The following ZBTB40 variants were observed in gnomAD, a reference collection of about 807,000 sequenced individuals.
ZBTB40 encodes zinc finger and BTB domain-containing protein 40.
A neutral mutation model predicts 117.5 loss-of-function variants in ZBTB40; 60 were observed. The ratio of observed to expected loss-of-function variants is 0.51; its 90% CI spans 0.41 to 0.63. ZBTB40 has a LOEUF of 0.63. Among genes scored for constraint, ZBTB40 ranks in the 30% least tolerant of loss-of-function variants. The pLI is 0.00. For missense variants in ZBTB40, 1,287 were observed against 1,498.5 expected, an observed-to-expected ratio of 0.86 and a Z score of 2.33; for synonymous variants, 525 against 577.1, an observed-to-expected ratio of 0.91 and a Z score of 1.29.
At chr1:22,476,162 T>C (rs537793310) in intron 1 of ZBTB40, among the ~76,000 whole-genome samples, 1 of 152,342 alleles carries the variant, frequency 6.6e-6, no homozygotes, top group African/African-American at 2.4e-5. Context: ...CAAACTTAGT[T>C]CTCACTTGTA....
At chr1:22,515,349 T>C (rs563256260) in intron 12 of ZBTB40, among the ~76,000 whole-genome samples, 1 of 152,330 alleles carries the variant, frequency 6.6e-6, no homozygotes, top group Admixed American at 6.5e-5. Context: ...TTGGTTTTTA[T>C]GTGAAGTGTG....
rs114688501 is a variant in ZBTB40 at position 22,513,336 on chromosome 1, A to G, written c.2668+206A>G. ...ACACAGAGGATAAATGCTGGAGGGGATGGATCTCTCATTCTCCCTGATGCA... is the reference window on the plus strand; with the variant it reads ...ACACAGAGGATAAATGCTGGAGGGGGTGGATCTCTCATTCTCCCTGATGCA... On this transcript the variant is annotated intron_variant, in intron 12 of 17. Coordinates refer to ENST00000375647, the MANE Select transcript of ZBTB40 (RefSeq NM_014870.4). This position sits in a 1 kb window ranked among gnomAD's most constrained non-coding sequence, Gnocchi z 4.9. 0.018 allele frequency among the ~76,000 whole-genome samples: 2,816 copies of G among 152,274 alleles called. 91 individuals are homozygous for G. The highest frequency in any genetic ancestry group is 0.064 in the African/African-American group (2,643 of 41,528).
At chr1:22,504,174 G>A (rs934379452) in intron 5 of ZBTB40, among the ~76,000 whole-genome samples, 1 of 152,198 alleles carries the variant, frequency 6.6e-6, no homozygotes, top group African/African-American at 2.4e-5. Flanking sequence ...TGATTGAATA[G>A]CCACAGTATT....
At chr1:22,473,190 G>A (rs928305192) in intron 1 of ZBTB40, among the ~76,000 whole-genome samples, 27 of 152,156 alleles carry the variant, frequency 1.8e-4, no homozygotes, top group Non-Finnish European at 3.7e-4. Flanking sequence ...CACCCGGAGC[G>A]TATTAAAAAT....
At chr1:22,430,425 C>A (rs1286244556) in intron 1 of ZBTB40, among the ~76,000 whole-genome samples, 1 of 152,128 alleles carries the variant, frequency 6.6e-6, no homozygotes, top group Non-Finnish European at 1.5e-5. Flanking sequence ...CCTGTCTTTA[C>A]AACAAATTTT....
chr1:22,511,745 A>G lies in ZBTB40; in HGVS notation c.2072A>G (p.Asn691Ser), dbSNP rs201909816. 1.4e-4 allele frequency: 222 copies of G among 1,607,930 alleles called. 1 individual carries two copies. Among genetic ancestry groups the G allele is most frequent in the Middle Eastern group, 1.7e-4 (1 of 6,030 alleles). ...KVSNKFHLEA[N>S]NKEDEKAAKE... ...AGTAATAAATTTCACCTTGAAGCCAACAACAAAGAAGATGAAAAGGCAGCC... is the reference window on the plus strand; with the variant it reads ...AGTAATAAATTTCACCTTGAAGCCAGCAACAAAGAAGATGAAAAGGCAGCC... Residue 691 changes from asparagine (N) to serine (S), a missense_variant, in exon 11 of 18, where the codon AAC becomes AGC. Asn to Ser is a conservative substitution (Grantham distance 46). Coordinates refer to ENST00000375647, the MANE Select transcript of ZBTB40 (RefSeq NM_014870.4).
At chr1:22,444,210 C>T (rs933569832) in intron 1 of ZBTB40, among the ~76,000 whole-genome samples, 1 of 152,096 alleles carries the variant, frequency 6.6e-6, no homozygotes, top group South Asian at 2.1e-4. Context: ...GTCAGGAGTT[C>T]GAGACCAGCC....
intron 1 of ZBTB40, among the ~76,000 whole-genome samples, chr1:22,440,924 T>C (rs1483921692): frequency 6.6e-6 from 1 of 152,176 alleles, no homozygotes; most frequent in Admixed American, 6.5e-5. Flanking sequence ...TAATGGATAT[T>C]AGTCTATAGT....
At chr1:22,440,433 T>C (rs1378931969) in intron 1 of ZBTB40, among the ~76,000 whole-genome samples, 1 of 152,226 alleles carries the variant, frequency 6.6e-6, no homozygotes, top group Admixed American at 6.5e-5. Flanking sequence ...GCCCAGAAGT[T>C]TGAGTCCAGC....
intron 1 of ZBTB40, among the ~76,000 whole-genome samples, chr1:22,486,737 G>T (rs981027781): frequency 1.3e-5 from 2 of 151,304 alleles, no homozygotes; most frequent in Non-Finnish European, 2.9e-5. Context: ...GTTTTGTTTT[G>T]TTTTGTTTTG....
chr1:22,525,952 T>C (rs1279856333), intron 17 of ZBTB40, among the ~76,000 whole-genome samples: 1 of 151,840 alleles, frequency 6.6e-6, no homozygotes, highest in Non-Finnish European at 1.5e-5. Context: ...AATCATAGAG[T>C]CCGGGCGCCC....
At chr1:22,497,521 G>A (rs1242599498) in intron 3 of ZBTB40, among the ~76,000 whole-genome samples, 1 of 152,154 alleles carries the variant, frequency 6.6e-6, no homozygotes, top group Non-Finnish European at 1.5e-5. Flanking sequence ...CCTAAGATAT[G>A]CAGCCATAGA....
intron 17 of ZBTB40, 152 bp from the exon 18 acceptor site, chr1:22,526,050 G>A: frequency 3.5e-6 from 3 of 861,384 alleles, no homozygotes; most frequent in Non-Finnish European, 5.7e-6. Context: ...TCGCCAGTGG[G>A]TTAGACTTGC....
At position 22,509,163 on chromosome 1, in the gene ZBTB40, C is replaced by G. The variant is rs760158241; in HGVS notation, c.1763C>G (p.Ala588Gly). ...ILRHNQLILE[A>G]IQQKIEYKLF... ...AGGCATAACCAGTTGATCTTGGAGG[C>G]CATCCAACAGAAGATTGAGTACAAG... The change falls in exon 9 of 18, where the codon GCC becomes GGC. Residue 588 changes from alanine (A) to glycine (G), a missense_variant. This residue lies in a region of ZBTB40 where 870 missense variants were observed against 934.4 expected (regional missense o/e 0.93). Transcript: ENST00000375647. The G allele has an allele frequency of 1.2e-6, 2 of 1,614,006 alleles. No individual in the cohort carries two copies. The highest frequency in any genetic ancestry group is 1.7e-6 in the Non-Finnish European group (2 of 1,180,000).
At chr1:22,483,748 T>A (rs1638391469) in intron 1 of ZBTB40, among the ~76,000 whole-genome samples, 1 of 152,242 alleles carries the variant, frequency 6.6e-6, no homozygotes, top group Middle Eastern at 3.2e-3. Flanking sequence ...TTTCATTCTT[T>A]TGACATTGTC....
At position 22,506,040 on chromosome 1, in the gene ZBTB40, C is replaced by T. The variant is rs1434494587; in HGVS notation, c.1168-9C>T. ...TAACTGGTGTCTGGTTGATTGCTTG[C>T]CACTGCAGGTGATTCTGAATTGCTG... On this transcript the variant is annotated splice_polypyrimidine_tract_variant and intron_variant, in intron 5 of 17. Transcript: ENST00000375647. The T allele has an allele frequency of 1.2e-6, 2 of 1,613,946 alleles. No individual in the cohort carries two copies. The highest frequency in any genetic ancestry group is 2.7e-5 in the African/African-American group (2 of 74,916).
rs146259309 is a variant in ZBTB40 at position 22,477,520 on chromosome 1, G to A, written c.-69-12360G>A. On this transcript the variant is annotated intron_variant, in intron 1 of 17. Coordinates refer to ENST00000375647, the MANE Select transcript of ZBTB40 (RefSeq NM_014870.4). ...AAAAATTAGCTGGGCATGGTGGCAC[G>A]CGCCTGTAGTCCCAGCTACTCAGGC... is the stretch of plus-strand genomic sequence containing the variant. Among the ~76,000 whole-genome samples, 1,138 of 152,084 alleles carry A rather than the reference G, an allele frequency of 7.5e-3. 17 individuals are homozygous for A. Among genetic ancestry groups the A allele is most frequent in the African/African-American group, 0.026 (1,088 of 41,490 alleles).
chr1:22,517,621 T>A, intron 13 of ZBTB40, 157 bp downstream of exon 13: 1 of 837,668 alleles, frequency 1.2e-6, no homozygotes, highest in South Asian at 1.9e-5. Context: ...TCATTCCTAG[T>A]TCAGGAAGAA....
Position 22,491,478 on chromosome 1 carries a change from A to G in ZBTB40, c.776A>G (p.Gln259Arg). The G allele has an allele frequency of 6.2e-7, 1 of 1,614,056 alleles. No homozygotes were observed. The highest frequency in any genetic ancestry group is 8.5e-7 in the Non-Finnish European group (1 of 1,179,950). The change falls in exon 3 of 18, where the codon CAG becomes CGG. Residue 259 changes from glutamine (Q) to arginine (R), a missense_variant. This residue lies in a region of ZBTB40 where 870 missense variants were observed against 934.4 expected (regional missense o/e 0.93). Transcript: ENST00000375647. ...TTCTCAGATGCACTCATGGTTACCC[A>G]GGATGTTTTAAAAAAACTAGAAATG... is the stretch of plus-strand genomic sequence containing the variant. ...GVFSDALMVT[Q>R]DVLKKLEMCS...
Sources: allele counts gnomAD v4.1 joint callset (sites outside exome capture counted in the v4.1 genomes callset), GRCh38; gene constraint gnomAD v4.1.1; regional missense constraint gnomAD v4.1.1; non-coding constraint Gnocchi (gnomAD v3.1); transcripts MANE v1.5; gene names NCBI Gene and HGNC (gene_info 2026-07-23, HGNC 2026-07-21).